LYAR: variants seen among roughly 807,000 people sequenced by gnomAD.
The protein encoded by LYAR is Ly1 antibody reactive.
LYAR carries 37 observed loss-of-function variants against 45.2 expected under a neutral mutation model. The observed-to-expected ratio is 0.82, with a 90% CI of 0.63 to 1.08. The LOEUF is 1.08. Ranked by LOEUF, LYAR falls within the 50% of genes least tolerant of loss-of-function variation. LYAR has a pLI of 0.00. For missense variants in LYAR, 493 were observed against 451.0 expected, an observed-to-expected ratio of 1.09 and a Z score of -0.84; for synonymous variants, 176 against 155.1, an observed-to-expected ratio of 1.14 and a Z score of -1.00.
At chr4:4,282,381 T>C (rs924251178) in intron 3 of LYAR, among the ~76,000 whole-genome samples, 1 of 146,978 alleles carries the variant, frequency 6.8e-6, no homozygotes, top group Non-Finnish European at 1.5e-5. Flanking sequence ...TTCTCTCTCA[T>C]ATAATCTTTG....
chr4:4,279,393 A>G (rs1198346448), intron 6 of LYAR, 54 bp downstream of exon 6: 18 of 1,145,274 alleles, frequency 1.6e-5, no homozygotes, highest in Non-Finnish European at 2.1e-5. Context: ...TTCCCATTTC[A>G]TTATTACTAA....
At chr4:4,288,430 A>AT (rs973061976) in intron 1 of LYAR, among the ~76,000 whole-genome samples, 2 of 148,612 alleles carry the variant, frequency 1.3e-5, no homozygotes, top group Non-Finnish European at 3.0e-5. Flanking sequence ...GATTGGAATG[A>AT]TTTTTTTTAA....
intron 7 of LYAR, 68 bp downstream of exon 7, chr4:4,274,299 T>C (rs1053331839): frequency 6.5e-7 from 1 of 1,538,308 alleles, no homozygotes; most frequent in Admixed American, 2.0e-5. Flanking sequence ...TCTAACAGGC[T>C]TAAATATCCC....
chr4:4,271,858 G>A (rs1718948819), intron 8 of LYAR, among the ~76,000 whole-genome samples: 2 of 152,178 alleles, frequency 1.3e-5, no homozygotes, highest in Non-Finnish European at 2.9e-5. Flanking sequence ...CTCCACAGGT[G>A]AATGATGAAA....
At chr4:4,277,079 C>T (rs967365343) in intron 6 of LYAR, among the ~76,000 whole-genome samples, 3 of 152,246 alleles carry the variant, frequency 2.0e-5, no homozygotes, top group African/African-American at 7.2e-5. Flanking sequence ...CTGAGTCTCG[C>T]TCTATCACCC....
Position 4,279,776 on chromosome 4 carries a change from A to G in LYAR, c.238-27T>C, listed in dbSNP as rs1719328298. Reference sequence around the variant, plus strand: ...TACAAAAAGGGAAGAAAAAAGAAAAACTATTAATAAACAACCAACATGAGT... The same window carrying G: ...TACAAAAAGGGAAGAAAAAAGAAAAGCTATTAATAAACAACCAACATGAGT... On this transcript the variant is annotated intron_variant, in intron 4 of 9. Coordinates refer to ENST00000343470, the MANE Select transcript of LYAR (RefSeq NM_017816.3). The G allele has an allele frequency of 3.5e-6, 5 of 1,422,306 alleles. No individual in the cohort carries two copies. The East Asian group carries it at 1.1e-4, about 32-fold the overall frequency. 88.1% of individuals were successfully genotyped at this position (1,422,306 alleles called of 1,614,324 possible). A position where few individuals can be genotyped will look rare whatever the true frequency, so the allele number is the denominator to read the frequency against.
In LYAR at chr4:4,267,918, A is replaced by G. The variant is rs768262826; in HGVS notation, c.1111T>C (p.Leu371=). Residue 371 remains leucine (L), a synonymous_variant, in exon 10 of 10, where the codon TTA becomes CTA. Transcript: ENST00000343470. ...TTCACAAGCTTGACTTTGTCCTTTA[A>G]TAACTTAAAGGTAGGGTTCTTGCTG... ...KISKNPTFKL[L]KDKVKLVK is the part of the protein sequence containing the mutation. 6.2e-7 allele frequency: 1 copy of G among 1,612,510 alleles called. No individual in the cohort carries two copies. The highest frequency in any genetic ancestry group is 1.1e-5 in the South Asian group (1 of 90,700).
Position 4,283,773 on chromosome 4 carries a change from C to T in LYAR, c.-31G>A. 1 of 1,581,966 alleles carries T rather than the reference C, an allele frequency of 6.3e-7. No individual in the cohort carries two copies. The highest frequency in any genetic ancestry group is 1.3e-5 in the African/African-American group (1 of 74,532). On this transcript the variant is annotated 5_prime_UTR_variant, in exon 3 of 10. Coordinates refer to ENST00000343470, the MANE Select transcript of LYAR (RefSeq NM_017816.3). ...GGTAAATGGCTAAATATTCTCTATC[C>T]AAGACAGGTTTTAAGTCTTGTCCTA...
intron 6 of LYAR, among the ~76,000 whole-genome samples, chr4:4,275,942 C>T (rs1308365684): frequency 1.3e-5 from 2 of 152,294 alleles, no homozygotes; most frequent in Non-Finnish European, 2.9e-5. Context: ...GTGATCCGCC[C>T]GACCTGGCCT....
chr4:4,286,009 A>G (rs1719596397), intron 2 of LYAR, among the ~76,000 whole-genome samples: 1 of 152,248 alleles, frequency 6.6e-6, no homozygotes, highest in African/African-American at 2.4e-5. Flanking sequence ...ATCTGGTTAC[A>G]TGTCCAGCTA....
intron 8 of LYAR, among the ~76,000 whole-genome samples, chr4:4,272,176 C>T (rs1243254955): frequency 6.6e-6 from 1 of 152,194 alleles, no homozygotes; most frequent in Admixed American, 6.5e-5. Flanking sequence ...AACATCCCGG[C>T]TGAGATGCTG....
intron 1 of LYAR, among the ~76,000 whole-genome samples, chr4:4,288,639 C>T (rs1258637238): frequency 2.0e-5 from 3 of 152,090 alleles, no homozygotes; most frequent in African/African-American, 7.2e-5. Context: ...GCACATGCCA[C>T]CATGCCCGGC....
chr4:4,274,108 A>G (rs985240351), intron 7 of LYAR, among the ~76,000 whole-genome samples: 1 of 152,102 alleles, frequency 6.6e-6, no homozygotes, highest in African/African-American at 2.4e-5. Flanking sequence ...CTGGTGACAC[A>G]CGTCTGTAAT....
chr4:4,282,252 A>T, intron 3 of LYAR, among the ~76,000 whole-genome samples: 1 of 152,230 alleles, frequency 6.6e-6, no homozygotes, highest in Admixed American at 6.5e-5. Context: ...AAAAATCTCA[A>T]TGTCTAATAG....
intron 8 of LYAR, 131 bp downstream of exon 8, chr4:4,273,452 G>A (rs1024367823): frequency 1.1e-5 from 7 of 638,494 alleles, no homozygotes; most frequent in African/African-American, 1.9e-5. Context: ...AAAGTGGTAC[G>A]CCCATGGCTC....
chr4:4,273,227 G>A (rs958811315), intron 8 of LYAR, among the ~76,000 whole-genome samples: 2 of 152,158 alleles, frequency 1.3e-5, no homozygotes, highest in African/African-American at 4.8e-5. Context: ...TCTCCTTAAA[G>A]ACAGTGGGTG....
intron 1 of LYAR, chr4:4,289,540 A>C (rs906915921): frequency 1.3e-5 from 2 of 152,192 alleles, no homozygotes; most frequent in African/African-American, 4.8e-5. Flanking sequence ...CAGTTCTCCG[A>C]GTTAGATTCT....
At position 4,267,854 on chromosome 4, in the gene LYAR, A is replaced by G. The variant is rs1415290053; in HGVS notation, c.*35T>C. 2.6e-6 allele frequency: 4 copies of G among 1,546,094 alleles called. No homozygotes were observed. Among genetic ancestry groups the G allele is most frequent in the Non-Finnish European group, 8.7e-7 (1 of 1,145,268 alleles). ...TAAACAGCAGTGAAAGGAAGAAGTCAGCAGAATGGATTCAATTTTTAAATA... is the reference window on the plus strand; with the variant it reads ...TAAACAGCAGTGAAAGGAAGAAGTCGGCAGAATGGATTCAATTTTTAAATA... On this transcript the variant is annotated 3_prime_UTR_variant, in exon 10 of 10. Coordinates refer to ENST00000343470, the MANE Select transcript of LYAR (RefSeq NM_017816.3).
rs1718796250 is a variant in LYAR at position 4,268,412 on chromosome 4, G to A, written c.1005+118C>T. On this transcript the variant is annotated intron_variant, in intron 9 of 9. Transcript: ENST00000343470. ...GCTTTGGAGCAGCTTGAAAATCACT[G>A]AGACACACACACAGATTTTCAGTGT... The A allele has an allele frequency of 9.8e-6, 7 of 717,332 alleles. No individual in the cohort carries two copies. In the South Asian group the frequency reaches 9.8e-5, roughly 10 times the overall value. 44.4% of individuals were successfully genotyped at this position (717,332 alleles called of 1,614,324 possible).
Sources: gnomAD v4.1 joint callset for allele counts (sites outside exome capture counted in the v4.1 genomes callset) on GRCh38, gnomAD v4.1.1 for gene constraint, MANE v1.5 for transcripts, NCBI Gene and HGNC (gene_info 2026-07-23, HGNC 2026-07-21) for gene names.